Variants in OPRM1 observed in about 807,000 individuals in gnomAD.
The protein encoded by OPRM1 is mu-type opioid receptor.
OPRM1 carries 27 observed loss-of-function variants against 31.8 expected under a neutral mutation model. That is an observed-to-expected ratio of 0.85 (90% CI 0.63 to 1.17). The LOEUF (loss-of-function observed/expected upper bound fraction) is 1.17. OPRM1 is among the 50% of genes most tolerant of loss of function. The probability of loss-of-function intolerance (pLI) is 0.00; values close to 1 mark genes in which losing one functional copy is unlikely to be tolerated. For synonymous variants in OPRM1, 196 were observed against 189.9 expected (o/e 1.03, Z -0.26); for missense variants, 536 against 511.1 (o/e 1.05, Z -0.47).
chr6:154,216,650 A>G (rs1778418975), intron 3 of OPRM1, among the ~76,000 whole-genome samples: 1 of 152,200 alleles, frequency 6.6e-6, no homozygotes, highest in Admixed American at 6.5e-5. Flanking sequence ...CAGGTGGATC[A>G]TGAGGTCAGG....
chr6:154,142,046 T>C (rs1798227827), intron 3 of OPRM1, among the ~76,000 whole-genome samples: 1 of 152,212 alleles, frequency 6.6e-6, no homozygotes, highest in South Asian at 2.1e-4. Flanking sequence ...TGCTCAAGCA[T>C]TTGAAAGTTG....
At chr6:154,021,953 A>G (rs1778401317) in intron 1 of OPRM1, among the ~76,000 whole-genome samples, 1 of 151,846 alleles carries the variant, frequency 6.6e-6, no homozygotes, top group African/African-American at 2.4e-5. Flanking sequence ...TATACTTTTT[A>G]CTTCCTTTTC....
intron 3 of OPRM1, among the ~76,000 whole-genome samples, chr6:154,173,680 C>T (rs56827782): frequency 1.2e-3 from 185 of 152,214 alleles, no homozygotes; most frequent in African/African-American, 4.4e-3. Context: ...TGTGAAAAGA[C>T]CAAATCTACA....
chr6:154,185,717 A>G (rs994954660), intron 3 of OPRM1, among the ~76,000 whole-genome samples: 1 of 152,162 alleles, frequency 6.6e-6, no homozygotes, highest in Non-Finnish European at 1.5e-5. Context: ...TAGAAGAAGA[A>G]GAAGAACTGT....
At chr6:154,239,737 T>C (rs1780426539) in intron 3 of OPRM1, among the ~76,000 whole-genome samples, 1 of 152,228 alleles carries the variant, frequency 6.6e-6, no homozygotes, top group South Asian at 2.1e-4. Context: ...GCAGTCTCGC[T>C]CTGTCACCCA....
intron 3 of OPRM1, chr6:154,214,330 T>C (rs1778211076): frequency 4.4e-6 from 5 of 1,129,990 alleles, no homozygotes; most frequent in Non-Finnish European, 6.7e-6. Flanking sequence ...CCCCCACCCA[T>C]TCACCTTCCC....
At chr6:154,113,546 A>G (rs1025379059) in intron 3 of OPRM1, among the ~76,000 whole-genome samples, 2 of 152,164 alleles carry the variant, frequency 1.3e-5, no homozygotes, top group Admixed American at 6.5e-5. Flanking sequence ...TGTCACCTGG[A>G]CAGCCCTCCA....
At chr6:154,225,717 C>T (rs1028612623) in intron 3 of OPRM1, among the ~76,000 whole-genome samples, 1 of 152,186 alleles carries the variant, frequency 6.6e-6, no homozygotes, top group African/African-American at 2.4e-5. Context: ...CACTGAACTG[C>T]TCACTTTAAA....
chr6:154,061,492 A>T (rs934654115), intron 1 of OPRM1, among the ~76,000 whole-genome samples: 4 of 152,252 alleles, frequency 2.6e-5, no homozygotes, highest in Middle Eastern at 3.4e-3. Context: ...TGCAGCCATA[A>T]AAAAGAATGA....
chr6:154,179,667 TCA>T lies in OPRM1; in HGVS notation c.1165-67023_1165-67022del, dbSNP rs1800665940. Among the ~76,000 whole-genome samples, 5 of 152,334 alleles carry T rather than the reference TCA, an allele frequency of 3.3e-5. No homozygotes were observed. In the South Asian group the frequency reaches 8.3e-4, roughly 25 times the overall value. ...ACTTTAAAGTCTGTCTTATCTCACC[TCA>T]CAAGTGTTTTGTCAAGGAAGATGAA... On this transcript the variant is annotated intron_variant, in intron 3 of 3. Coordinates refer to the OPRM1 transcript ENST00000337049.
At chr6:154,238,742 C>T (rs1298665570) in intron 3 of OPRM1, among the ~76,000 whole-genome samples, 1 of 151,926 alleles carries the variant, frequency 6.6e-6, no homozygotes, top group Non-Finnish European at 1.5e-5. Flanking sequence ...GATGGGGTCT[C>T]ACCATGTTGA....
At chr6:154,087,305 T>A in intron 1 of OPRM1, 1 of 985,414 alleles carries the variant, frequency 1.0e-6, no homozygotes, top group South Asian at 4.7e-5. Context: ...ACCAAAACAC[T>A]TTCCTGGACA....
At chr6:154,029,170 G>A (rs1446141541) in intron 1 of OPRM1, among the ~76,000 whole-genome samples, 2 of 152,088 alleles carry the variant, frequency 1.3e-5, no homozygotes, top group Non-Finnish European at 2.9e-5. Context: ...ATTAAACAGT[G>A]CCGCCTTTAA....
rs1167255574 is a variant in OPRM1 at position 154,121,197 on chromosome 6, G to A, written c.*2476G>A. Among the ~76,000 whole-genome samples the A allele has an allele frequency of 6.6e-6, 1 of 152,150 alleles. No individual in the cohort carries two copies. Among genetic ancestry groups the A allele is most frequent in the African/African-American group, 2.4e-5 (1 of 41,434 alleles). On this transcript the variant is annotated 3_prime_UTR_variant, in exon 4 of 4. Transcript: ENST00000330432. ...CTTCCCAGGTTGGTATCCCAGAAAT[G>A]CAGACTGTAGCTATGGGGCGGAAGC... is the stretch of plus-strand genomic sequence containing the variant.
intron 3 of OPRM1, chr6:154,094,229 A>T: frequency 7.8e-7 from 1 of 1,287,810 alleles, no homozygotes; most frequent in Non-Finnish European, 1.0e-6. Flanking sequence ...CCAATATCAA[A>T]CCTTCCCAGG....
chr6:154,081,485 A>G (rs896395746), intron 1 of OPRM1, among the ~76,000 whole-genome samples: 2 of 152,152 alleles, frequency 1.3e-5, no homozygotes, highest in Non-Finnish European at 2.9e-5. Flanking sequence ...CAGCCTGGGC[A>G]ACAGAGTGAG....
intron 1 of OPRM1, chr6:154,087,074 G>A (rs947560846): frequency 1.4e-5 from 14 of 984,258 alleles, no homozygotes; most frequent in Non-Finnish European, 1.7e-5. Context: ...CAAGTTAAAT[G>A]GCTCTATCTT....
intron 3 of OPRM1, among the ~76,000 whole-genome samples, chr6:154,225,252 G>A (rs766726198): frequency 8.1e-4 from 124 of 152,184 alleles, no homozygotes; most frequent in Non-Finnish European, 1.6e-3. Context: ...TTGGATTATG[G>A]ATGCTCAGAG....
At chr6:154,202,549 G>A (rs1055135798) in intron 3 of OPRM1, among the ~76,000 whole-genome samples, 2 of 151,772 alleles carry the variant, frequency 1.3e-5, no homozygotes, top group East Asian at 1.9e-4. Context: ...TCCTTTTTTC[G>A]AAACAACACC....
Sources: gnomAD v4.1 joint callset for allele counts (sites outside exome capture counted in the v4.1 genomes callset) on GRCh38, gnomAD v4.1.1 for gene constraint, MANE v1.5 for transcripts, NCBI Gene and HGNC (gene_info 2026-07-23, HGNC 2026-07-21) for gene names.